The following TENM1 variants were observed in gnomAD, a reference collection of about 807,000 sequenced individuals.
TENM1 encodes the protein teneurin transmembrane protein 1.
TENM1 carries 35 observed loss-of-function variants against 174.8 expected under a neutral mutation model. That is an observed-to-expected ratio of 0.20 (90% CI 0.15 to 0.27). The LOEUF is 0.27. Among genes scored for constraint, TENM1 ranks in the 10% least tolerant of loss-of-function variants. The probability of loss-of-function intolerance (pLI) is 1.00; values close to 1 mark genes in which losing one functional copy is unlikely to be tolerated. For synonymous variants in TENM1, 781 were observed against 798.7 expected, an observed-to-expected ratio of 0.98 and a Z score of 0.37; for missense variants, 1,633 against 2,130.1, an observed-to-expected ratio of 0.77 and a Z score of 4.59.
chrX:124,709,727 C>T (rs2052999149), intron 4 of TENM1, among the ~76,000 whole-genome samples: 1 of 111,025 alleles, frequency 9.0e-6, no homozygotes, highest in Non-Finnish European at 1.9e-5. Flanking sequence ...AGATTAGCAT[C>T]AGGTTCTAAT....
At chrX:124,638,454 G>A (rs1350634504) in intron 11 of TENM1, among the ~76,000 whole-genome samples, 1 of 111,560 alleles carries the variant, frequency 9.0e-6, no homozygotes, top group East Asian at 2.8e-4. Flanking sequence ...ATCTGAGGGA[G>A]CAATTATATG....
chrX:124,722,054 C>A (rs1316211177), intron 4 of TENM1, among the ~76,000 whole-genome samples: 2 of 111,824 alleles, frequency 1.8e-5, no homozygotes, highest in Non-Finnish European at 3.8e-5. Flanking sequence ...ATAAAATTAC[C>A]TAAGTTAATG....
chrX:124,835,716 A>G (rs1262934537), intron 3 of TENM1, among the ~76,000 whole-genome samples: 2 of 111,694 alleles, frequency 1.8e-5, no homozygotes, highest in African/African-American at 6.5e-5. Flanking sequence ...GAGAGTTGGC[A>G]TAGAGTTACC....
intron 4 of TENM1, 93 bp from the exon 8 acceptor site, chrX:124,705,344 G>A: frequency 7.6e-6 from 5 of 658,882 alleles, no homozygotes; most frequent in Non-Finnish European, 1.2e-5. Context: ...TCATGCTATA[G>A]CCAAGCTCAA....
At chrX:125,081,806 T>C in the TENM1 span, among the ~76,000 whole-genome samples, 2 of 111,460 alleles carry the variant, frequency 1.8e-5, no homozygotes, top group Non-Finnish European at 3.8e-5. Flanking sequence ...GGAATATTTA[T>C]TCAGCCATAA....
At chrX:124,469,916 T>C (rs958963977) in intron 22 of TENM1, among the ~76,000 whole-genome samples, 1 of 111,559 alleles carries the variant, frequency 9.0e-6, no homozygotes, top group African/African-American at 3.3e-5. Context: ...AATTCATTGA[T>C]AATTAAAGGA....
At chrX:124,449,997 G>A (rs910036305) in intron 23 of TENM1, among the ~76,000 whole-genome samples, 1 of 110,250 alleles carries the variant, frequency 9.1e-6, no homozygotes, top group Admixed American at 9.7e-5. Flanking sequence ...GTTTTGCTGT[G>A]TCCCCACCCA....
At chrX:125,184,291 A>G in the TENM1 span, among the ~76,000 whole-genome samples, 1 of 112,006 alleles carries the variant, frequency 8.9e-6, no homozygotes, top group African/African-American at 3.2e-5. Flanking sequence ...ATACTTTGCA[A>G]TTAGTATTGC....
At chrX:125,105,758 C>A in the TENM1 span, among the ~76,000 whole-genome samples, 21 of 111,493 alleles carry the variant, frequency 1.9e-4, no homozygotes, top group South Asian at 3.8e-4. Flanking sequence ...GCTAGTGAAA[C>A]CCAGGCAGGA....
At chrX:124,602,282 A>G (rs1337730472) in intron 11 of TENM1, among the ~76,000 whole-genome samples, 1 of 110,869 alleles carries the variant, frequency 9.0e-6, no homozygotes, top group Admixed American at 9.6e-5. Context: ...AATGTTACCC[A>G]TTTTATTTAT....
At chrX:124,578,653 A>G (rs767225926) in intron 11 of TENM1, among the ~76,000 whole-genome samples, 11 of 111,986 alleles carry the variant, frequency 9.8e-5, no homozygotes, top group Non-Finnish European at 1.9e-4. Flanking sequence ...TTTCCAATAC[A>G]CTTATCTGGC....
At chrX:124,447,171 T>C (rs2060973914) in intron 23 of TENM1, among the ~76,000 whole-genome samples, 1 of 111,829 alleles carries the variant, frequency 8.9e-6, no homozygotes. Context: ...CCTGCTCAGC[T>C]TTCTTCTCTC....
chrX:124,521,176 T>C, intron 17 of TENM1, among the ~76,000 whole-genome samples: 1 of 111,849 alleles, frequency 8.9e-6, no homozygotes, highest in Non-Finnish European at 1.9e-5. Context: ...TATACAGACA[T>C]ACACAAAATC....
At chrX:124,637,136 C>T (rs1307737493) in intron 11 of TENM1, among the ~76,000 whole-genome samples, 1 of 106,139 alleles carries the variant, frequency 9.4e-6, no homozygotes, top group Non-Finnish European at 1.9e-5. Flanking sequence ...GTTGCCCAGG[C>T]TGGAGCGCAG....
the TENM1 span, among the ~76,000 whole-genome samples, chrX:125,033,717 C>CA: frequency 9.7e-6 from 1 of 103,561 alleles, no homozygotes; most frequent in Admixed American, 1.1e-4. Flanking sequence ...TGCAGATTTG[C>CA]TTTTTTTTTT....
chrX:125,182,455 G>C, the TENM1 span, among the ~76,000 whole-genome samples: 10 of 55,974 alleles, frequency 1.8e-4, no homozygotes, highest in Non-Finnish European at 2.3e-4. Flanking sequence ...TCGGCGGGCG[G>C]GGGGGGGGGC....
At chrX:124,851,126 T>A (rs1338401694) in intron 3 of TENM1, among the ~76,000 whole-genome samples, 4 of 111,954 alleles carry the variant, frequency 3.6e-5, no homozygotes, top group Non-Finnish European at 7.5e-5. Context: ...CAAAGTTTTA[T>A]CCCATCTATG....
At chrX:125,015,515 T>C in the TENM1 span, among the ~76,000 whole-genome samples, 1 of 111,988 alleles carries the variant, frequency 8.9e-6, no homozygotes, top group East Asian at 2.8e-4. Context: ...CTGCTGAGAT[T>C]CAACCTATGG....
At chrX:124,503,702 T>C (rs746064315) in exon 19 of TENM1, 4 of 1,191,352 alleles carry the variant, frequency 3.4e-6, no homozygotes, top group Non-Finnish European at 4.5e-6. Context: ...ATCCCACAGA[T>C]ACTGCAAACA....
Sources: gnomAD v4.1 joint callset for allele counts (sites outside exome capture counted in the v4.1 genomes callset) on GRCh38, gnomAD v4.1.1 for gene constraint, MANE v1.5 for transcripts, NCBI Gene and HGNC (gene_info 2026-07-23, HGNC 2026-07-21) for gene names.